The following TTLL11 variants were observed in gnomAD, a reference collection of about 807,000 sequenced individuals.
The protein encoded by TTLL11 is tubulin tyrosine ligase like 11, also known as tubulin polyglutamylase TTLL11.
A neutral mutation model predicts 51.7 loss-of-function variants in TTLL11; 42 were observed. The ratio of observed to expected loss-of-function variants is 0.81; its 90% confidence interval spans 0.64 to 1.05. The LOEUF (loss-of-function observed/expected upper bound fraction) is 1.05. Among genes scored for constraint, TTLL11 ranks in the 50% least tolerant of loss-of-function variants. The probability of loss-of-function intolerance (pLI) is 0.00; values close to 1 mark genes in which losing one functional copy is unlikely to be tolerated. For synonymous variants in TTLL11, 381 were observed against 383.5 expected (o/e 0.99, Z 0.08); for missense variants, 799 against 940.4 (o/e 0.85, Z 1.97).
At chr9:122,081,529 A>C (rs1015822935) in intron 1 of TTLL11, among the ~76,000 whole-genome samples, 6 of 152,262 alleles carry the variant, frequency 3.9e-5, no homozygotes, top group African/African-American at 1.4e-4. Flanking sequence ...GCACAAAGCC[A>C]AAGTCATGTT....
chr9:121,898,984 G>T (rs1211564286), intron 6 of TTLL11, among the ~76,000 whole-genome samples: 1 of 152,122 alleles, frequency 6.6e-6, no homozygotes, highest in South Asian at 2.1e-4. Flanking sequence ...GGAAATCTTG[G>T]CATTGCAGAG....
At position 121,821,267 on chromosome 9, in the gene TTLL11, TG is replaced by T. The variant is rs1238501192; in HGVS notation, c.*1319del. 2.6e-5 allele frequency among the ~76,000 whole-genome samples: 4 copies of T among 152,108 alleles called. No individual in the cohort carries two copies. The highest frequency in any genetic ancestry group is 7.2e-5 in the African/African-American group (3 of 41,424). On this transcript the variant is annotated 3_prime_UTR_variant, in exon 9 of 9. Coordinates refer to ENST00000321582, the MANE Select transcript of TTLL11 (RefSeq NM_001139442.2). The surrounding 1 kb of genome is among the most constrained non-coding windows in gnomAD (Gnocchi z 5.0). Reference sequence around the variant, plus strand: ...GAGGAGAAAGCTGCAGGAGCTTATTTGGGATGCACCTCTGCCTCCCAGAACC... The same window carrying T: ...GAGGAGAAAGCTGCAGGAGCTTATTTGGATGCACCTCTGCCTCCCAGAACC...
chr9:121,903,929 T>C (rs1477391860), intron 6 of TTLL11, among the ~76,000 whole-genome samples: 3 of 152,200 alleles, frequency 2.0e-5, no homozygotes, highest in African/African-American at 7.2e-5. Flanking sequence ...ATTTTATAGC[T>C]GGGAGTTTGC....
chr9:121,931,939 T>C (rs780194983), intron 6 of TTLL11, among the ~76,000 whole-genome samples: 4 of 152,218 alleles, frequency 2.6e-5, no homozygotes, highest in African/African-American at 4.8e-5. Context: ...GTGCTTAGCG[T>C]TGGACCTCAT....
chr9:121,989,146 T>A lies in TTLL11; in HGVS notation c.1269+49A>T, dbSNP rs751684815. On this transcript the variant is annotated intron_variant, in intron 4 of 8. Transcript: ENST00000321582. The surrounding 1 kb of genome is among the most constrained non-coding windows in gnomAD (Gnocchi z 4.2). ...CCTACACGAAGCCAGAGAGCCCTCT[T>A]GAGGCCGGTCAAGGCTGGAAACGCA... 2.5e-6 allele frequency: 4 copies of A among 1,597,886 alleles called. No individual in the cohort carries two copies. Among genetic ancestry groups the A allele is most frequent in the Non-Finnish European group, 2.6e-6 (3 of 1,170,970 alleles).
intron 8 of TTLL11, among the ~76,000 whole-genome samples, chr9:121,835,056 T>C (rs1033606394): frequency 3.3e-5 from 5 of 152,196 alleles, no homozygotes; most frequent in Non-Finnish European, 7.3e-5. Context: ...ACTGTGTGGC[T>C]TTGAACTGGT....
chr9:121,991,670 G>A (rs749516191), intron 3 of TTLL11, among the ~76,000 whole-genome samples: 2 of 152,148 alleles, frequency 1.3e-5, no homozygotes, highest in Non-Finnish European at 2.9e-5. Context: ...CCATGTATAT[G>A]CCTTAAATAA....
intron 3 of TTLL11, among the ~76,000 whole-genome samples, chr9:122,030,927 C>A (rs73552028): frequency 6.6e-6 from 1 of 152,234 alleles, no homozygotes; most frequent in Non-Finnish European, 1.5e-5. Flanking sequence ...GGCAACAGAG[C>A]AACACTCCGT....
At chr9:121,828,810 C>T (rs1440199644) in intron 8 of TTLL11, among the ~76,000 whole-genome samples, 6 of 151,988 alleles carry the variant, frequency 3.9e-5, no homozygotes, top group Non-Finnish European at 2.9e-5. Flanking sequence ...TACCTAAAAC[C>T]TTACAGAGGC....
chr9:121,892,018 A>G (rs926960265), intron 6 of TTLL11, among the ~76,000 whole-genome samples: 5 of 143,560 alleles, frequency 3.5e-5, no homozygotes, highest in African/African-American at 1.3e-4. Flanking sequence ...TATAAAACCT[A>G]TATATAGGTT....
At chr9:122,043,936 C>T (rs568159354) in intron 1 of TTLL11, among the ~76,000 whole-genome samples, 17 of 151,966 alleles carry the variant, frequency 1.1e-4, no homozygotes, top group Admixed American at 1.1e-3. Flanking sequence ...TATACATGTG[C>T]CATGTTGGTG....
chr9:121,991,562 G>T (rs1328097998), intron 3 of TTLL11, among the ~76,000 whole-genome samples: 23 of 152,200 alleles, frequency 1.5e-4, no homozygotes, highest in Non-Finnish European at 4.4e-5. Context: ...TGTCAAGTTT[G>T]CACTGATGGG....
intron 1 of TTLL11, among the ~76,000 whole-genome samples, chr9:122,054,940 T>G (rs1262428182): frequency 1.3e-5 from 2 of 152,198 alleles, no homozygotes; most frequent in African/African-American, 4.8e-5. Context: ...AGGGCAGCTT[T>G]TCCCCAGTTA....
At chr9:121,860,542 A>G in intron 7 of TTLL11, 99 bp from the exon 8 acceptor site, 1 of 947,258 alleles carries the variant, frequency 1.1e-6, no homozygotes, top group Non-Finnish European at 1.6e-6. Context: ...GTCCTCCCCA[A>G]ATCCATAGGT....
At chr9:121,882,069 A>T (rs115022371) in intron 6 of TTLL11, among the ~76,000 whole-genome samples, 2,029 of 152,300 alleles carry the variant, frequency 0.013, 43 homozygotes, top group African/African-American at 0.045. Context: ...ATCCATTCAG[A>T]GCCATACCTG....
chr9:121,826,539 A>ATATATATATG (rs1836798472), intron 8 of TTLL11, among the ~76,000 whole-genome samples: 1 of 52,314 alleles, frequency 1.9e-5, no homozygotes, highest in African/African-American at 7.7e-5. Flanking sequence ...GTGTGTGTGT[A>ATATATATATG]TATATATATA....
intron 6 of TTLL11, among the ~76,000 whole-genome samples, chr9:121,936,244 C>T (rs1165930319): frequency 6.6e-6 from 1 of 150,398 alleles, no homozygotes; most frequent in Non-Finnish European, 1.5e-5. Flanking sequence ...TAATTAAGAC[C>T]TCTTTCTTCT....
At chr9:121,949,537 T>A (rs538619454) in intron 6 of TTLL11, among the ~76,000 whole-genome samples, 5 of 152,212 alleles carry the variant, frequency 3.3e-5, no homozygotes, top group Middle Eastern at 3.4e-3. Context: ...TGTAATTGGG[T>A]CTTGCAAGAA....
intron 4 of TTLL11, among the ~76,000 whole-genome samples, chr9:121,984,481 G>A (rs980136045): frequency 6.6e-6 from 1 of 152,144 alleles, no homozygotes. Context: ...CTGCAGATAA[G>A]GAAGCTGAGA....
Sources: allele counts gnomAD v4.1 joint callset (sites outside exome capture counted in the v4.1 genomes callset), GRCh38; gene constraint gnomAD v4.1.1; non-coding constraint Gnocchi (gnomAD v3.1); transcripts MANE v1.5; gene names NCBI Gene and HGNC (gene_info 2026-07-23, HGNC 2026-07-21).